Variants in BCL9L observed in about 807,000 individuals in gnomAD.
BCL9L encodes BCL9 like.
BCL9L carries 19 observed loss-of-function variants against 99.4 expected under a neutral mutation model. That is an observed-to-expected ratio of 0.19 (90% CI 0.13 to 0.28). The LOEUF is 0.28. Among genes scored for constraint, BCL9L ranks in the 10% least tolerant of loss-of-function variants. BCL9L has a pLI of 1.00. For missense variants in BCL9L, 2,023 were observed against 2,101.6 expected, an observed-to-expected ratio of 0.96 and a Z score of 0.73; for synonymous variants, 900 against 854.8, an observed-to-expected ratio of 1.05 and a Z score of -0.92.
At position 118,900,706 on chromosome 11, in the gene BCL9L, T is replaced by A; in HGVS notation, c.3037A>T (p.Thr1013Ser). Residue 1013 changes from threonine (T) to serine (S), a missense_variant, in exon 8 of 10, where the codon ACG becomes TCG. By Grantham distance (58) the Thr-to-Ser change is moderately conservative. This residue lies in a region of BCL9L where 902 missense variants were observed against 888.2 expected (regional missense o/e 1.02). Transcript: ENST00000683865. This position sits in a 1 kb window ranked among gnomAD's most constrained non-coding sequence, Gnocchi z 5.3. ...GAGACCCCCGGGCTGGGCATGGCCG[T>A]CTTAGGTGAGGCAACCCAGCCTGGA... ...PSPGWVASPK[T>S]AMPSPGVSQN... The A allele has an allele frequency of 6.2e-7, 1 of 1,613,720 alleles. No individual in the cohort carries two copies. The highest frequency in any genetic ancestry group is 1.1e-5 in the South Asian group (1 of 91,076).
Position 118,908,587 on chromosome 11 carries a change from G to A in BCL9L, c.95C>T (p.Pro32Leu). 6.2e-7 allele frequency: 1 copy of A among 1,613,650 alleles called. No individual in the cohort carries two copies. The highest frequency in any genetic ancestry group is 8.5e-7 in the Non-Finnish European group (1 of 1,179,930). The part of the protein sequence containing the change: ...PPLSPRGHCP[P>L]APAKPMHPEN... ...TGGGTGCATTGGCTTGGCTGGGGCA[G>A]GGGGGCAATGACCGCGGGGGGACAG... The change falls in exon 4 of 10, where the codon CCT becomes CTT. Residue 32 changes from proline to leucine, a missense_variant. By Grantham distance (98) the Pro-to-Leu change is moderately conservative. Around this residue, in one of 3 missense-constraint regions of BCL9L, gnomAD observed 1,116 missense variants for 1,194.6 expected, o/e 0.93. Coordinates refer to ENST00000683865, the MANE Select transcript of BCL9L (RefSeq NM_001378213.1).
chr11:118,898,125 G>A lies in BCL9L; in HGVS notation c.*290C>T, dbSNP rs1467198383. 1.5e-5 allele frequency: 8 copies of A among 548,928 alleles called. No homozygotes were observed. The highest frequency in any genetic ancestry group is 1.3e-4 in the Admixed American group (4 of 31,190). 34.0% of individuals were successfully genotyped at this position (548,928 alleles called of 1,614,324 possible). ...GGGTGTGGCGGGTGCAGGGATGCAC[G>A]GAAAGAGGTAAAATAGAGAGGCTCC... On this transcript the variant is annotated 3_prime_UTR_variant, in exon 10 of 10. Coordinates refer to ENST00000683865, the MANE Select transcript of BCL9L (RefSeq NM_001378213.1).
Position 118,900,502 on chromosome 11 carries a change from T to C in BCL9L, c.3124+117A>G. 1 of 1,456,480 alleles carries C rather than the reference T, an allele frequency of 6.9e-7. No homozygotes were observed. The highest frequency in any genetic ancestry group is 2.4e-5 in the East Asian group (1 of 41,610). The allele number at this position is 1,456,480 out of a possible 1,614,324, so 90.2% of individuals were successfully genotyped here. A position where few individuals can be genotyped will look rare whatever the true frequency, so the allele number is the denominator to read the frequency against. ...ATCATCTGCCCCATAAGCAGAGCCA[T>C]CCACCTCTGGGCCCGTGGTACACAG... On this transcript the variant is annotated intron_variant, in intron 8 of 9. Coordinates refer to ENST00000683865, the MANE Select transcript of BCL9L (RefSeq NM_001378213.1). This position sits in a 1 kb window ranked among gnomAD's most constrained non-coding sequence, Gnocchi z 5.3.
intron 5 of BCL9L, among the ~76,000 whole-genome samples, chr11:118,904,920 G>T (rs939215527): frequency 2.6e-5 from 4 of 152,230 alleles, no homozygotes; most frequent in Non-Finnish European, 5.9e-5. Context: ...ACCTCAATGT[G>T]TGAAGGCTGC....
chr11:118,898,830 A>G lies in BCL9L; in HGVS notation c.4085T>C (p.Leu1362Pro). 1 of 1,614,070 alleles carries G rather than the reference A, an allele frequency of 6.2e-7. No individual in the cohort carries two copies. Among genetic ancestry groups the G allele is most frequent in the Admixed American group, 1.7e-5 (1 of 60,024 alleles). The change falls in exon 10 of 10, where the codon CTG (leucine) becomes CCG (proline). Residue 1362 changes from leucine (L) to proline (P), a missense_variant. This residue lies in a region of BCL9L where 902 missense variants were observed against 888.2 expected (regional missense o/e 1.02). Transcript: ENST00000683865. Reference sequence around the variant, plus strand: ...AGTCTGCTCCGCCATCATGTTCTGCAGGTTCATGAGATGCAGATTAGGGGG... The same window carrying G: ...AGTCTGCTCCGCCATCATGTTCTGCGGGTTCATGAGATGCAGATTAGGGGG... ...AQPPNLHLMN[L>P]QNMMAEQTPS...
rs964113315 is a variant in BCL9L at position 118,922,627 on chromosome 11, C to T, written c.-131+2611G>A. Among the ~76,000 whole-genome samples the T allele has an allele frequency of 1.3e-5, 2 of 152,224 alleles. No individual in the cohort carries two copies. The highest frequency in any genetic ancestry group is 1.3e-4 in the Admixed American group (2 of 15,304). On this transcript the variant is annotated intron_variant, in intron 1 of 9. Coordinates refer to ENST00000683865, the MANE Select transcript of BCL9L (RefSeq NM_001378213.1). The surrounding 1 kb of genome is among the most constrained non-coding windows in gnomAD (Gnocchi z 6.2). ...GGCAGAGGCTCCCTGCCCGCGGCAC[C>T]CAGCCTGTACCCGCTTGGCTCCCAC...
At position 118,898,831 on chromosome 11, in the gene BCL9L, G is replaced by C; in HGVS notation, c.4084C>G (p.Leu1362Val). Reference sequence around the variant, plus strand: ...GTCTGCTCCGCCATCATGTTCTGCAGGTTCATGAGATGCAGATTAGGGGGC... The same window carrying C: ...GTCTGCTCCGCCATCATGTTCTGCACGTTCATGAGATGCAGATTAGGGGGC... Reference protein sequence around the residue: ...AQPPNLHLMNLQNMMAEQTPS... With the variant: ...AQPPNLHLMNVQNMMAEQTPS... The change falls in exon 10 of 10, where the codon CTG becomes GTG. Residue 1362 changes from leucine to valine, a missense_variant. By Grantham distance (32) the Leu-to-Val change is conservative (BLOSUM62 1). Coordinates refer to ENST00000683865, the MANE Select transcript of BCL9L (RefSeq NM_001378213.1). 1 of 1,614,110 alleles carries C rather than the reference G, an allele frequency of 6.2e-7. No homozygotes were observed. Among genetic ancestry groups the C allele is most frequent in the Non-Finnish European group, 8.5e-7 (1 of 1,180,016 alleles).
At position 118,899,516 on chromosome 11, in the gene BCL9L, G is replaced by A. The variant is rs1296021367; in HGVS notation, c.3407-8C>T. The A allele has an allele frequency of 6.2e-7, 1 of 1,607,048 alleles. No individual in the cohort carries two copies. Among genetic ancestry groups the A allele is most frequent in the Non-Finnish European group, 8.5e-7 (1 of 1,178,206 alleles). The stretch of plus-strand genomic sequence containing the variant: ...GCTGGCTGTTGCTGATCCCTGTAGG[G>A]AATAGAAGACAGGGGGTCAGGCACG... On this transcript the variant is annotated splice_region_variant and splice_polypyrimidine_tract_variant and intron_variant, in intron 9 of 9. Coordinates refer to ENST00000683865, the MANE Select transcript of BCL9L (RefSeq NM_001378213.1).
In BCL9L at chr11:118,898,139, TAG is replaced by T; in HGVS notation, c.*274_*275del. Reference sequence around the variant, plus strand: ...CAGGGATGCACGGAAAGAGGTAAAATAGAGAGGCTCCATAGGAATTGGGAGGA... The same window carrying T: ...CAGGGATGCACGGAAAGAGGTAAAATAGAGGCTCCATAGGAATTGGGAGGA... On this transcript the variant is annotated 3_prime_UTR_variant, in exon 10 of 10. Coordinates refer to ENST00000683865, the MANE Select transcript of BCL9L (RefSeq NM_001378213.1). The T allele has an allele frequency of 5.3e-6, 3 of 569,042 alleles. No homozygotes were observed. The highest frequency in any genetic ancestry group is 3.1e-6 in the Non-Finnish European group (1 of 319,264). 35.2% of individuals were successfully genotyped at this position (569,042 alleles called of 1,614,324 possible). A position where few individuals can be genotyped will look rare whatever the true frequency, so the allele number is the denominator to read the frequency against.
chr11:118,912,153 C>G (rs1217261525), intron 2 of BCL9L, among the ~76,000 whole-genome samples: 1 of 152,238 alleles, frequency 6.6e-6, no homozygotes, highest in Non-Finnish European at 1.5e-5. Context: ...CCTCCTCCTC[C>G]ACACACTCAC....
In BCL9L at chr11:118,902,313, T is replaced by C. The variant is rs765741785; in HGVS notation, c.1430A>G (p.Gln477Arg). Residue 477 changes from glutamine to arginine, a missense_variant, in exon 8 of 10, where the codon CAG becomes CGG. By Grantham distance (43) the Gln-to-Arg change is conservative (BLOSUM62 1). Around this residue, in one of 3 missense-constraint regions of BCL9L, gnomAD observed 1,116 missense variants for 1,194.6 expected, o/e 0.93. Transcript: ENST00000683865. This position sits in a 1 kb window ranked among gnomAD's most constrained non-coding sequence, Gnocchi z 7.8. ...CTCCAGCGGGGGGCCCCCTAGGCTC[T>C]GTGTCTGTGAAATCATGGACTGCAA... ...EPLQSMISQT[Q>R]SLGGPPLEHE... 6 of 1,559,604 alleles carry C rather than the reference T, an allele frequency of 3.8e-6. No individual in the cohort carries two copies. Among genetic ancestry groups the C allele is most frequent in the South Asian group, 1.2e-5 (1 of 82,160 alleles).
At chr11:118,915,943 C>CGCCCA (rs764737545) in intron 2 of BCL9L, among the ~76,000 whole-genome samples, 2 of 152,228 alleles carry the variant, frequency 1.3e-5, no homozygotes, top group Non-Finnish European at 2.9e-5. Flanking sequence ...AAATAACCTG[C>CGCCCA]GCCCAGCAGG....
Position 118,908,602 on chromosome 11 carries a change from C to CG in BCL9L, c.79dup (p.Arg27ProfsTer17), listed in dbSNP as rs759469914. On this transcript the variant is annotated frameshift_variant, in exon 4 of 10. Transcript: ENST00000683865. LOFTEE classifies it high-confidence loss of function. The stretch of plus-strand genomic sequence containing the variant: ...GGCTGGGGCAGGGGGGCAATGACCG[C>CG]GGGGGGACAGCGGCGGGCTCCCTGG... The CG allele has an allele frequency of 9.3e-6, 15 of 1,613,004 alleles. No homozygotes were observed. Among genetic ancestry groups the CG allele is most frequent in the Admixed American group, 1.7e-5 (1 of 59,970 alleles).
intron 1 of BCL9L, among the ~76,000 whole-genome samples, chr11:118,924,961 AGGCC>A (rs931467148): frequency 6.6e-6 from 1 of 152,172 alleles, no homozygotes; most frequent in Non-Finnish European, 1.5e-5. Context: ...AGCTGGCCCA[AGGCC>A]GGCCTTGTTC....
chr11:118,906,804 C>T (rs547870141), intron 5 of BCL9L, among the ~76,000 whole-genome samples: 5 of 152,216 alleles, frequency 3.3e-5, no homozygotes, highest in African/African-American at 1.2e-4. Flanking sequence ...TTACAGGTGA[C>T]AGCCACCACA....
rs1471664335 is a variant in BCL9L, at chr11:118,897,692, G to C, written c.*723C>G. The stretch of plus-strand genomic sequence containing the variant: ...AGTGGGTGGCCATGTAGGGCTGCAT[G>C]TCCCTGGGTCCAGGGGAATGGAGGG... On this transcript the variant is annotated 3_prime_UTR_variant, in exon 10 of 10. Transcript: ENST00000683865. 2.3e-6 allele frequency: 1 copy of C among 431,204 alleles called. No homozygotes were observed. The highest frequency in any genetic ancestry group is 2.1e-5 in the African/African-American group (1 of 48,258). The allele number at this position is 431,204 out of a possible 1,614,324, so 26.7% of individuals were successfully genotyped here.
chr11:118,903,141 C>A lies in BCL9L; in HGVS notation c.750-67G>T. On this transcript the variant is annotated intron_variant, in intron 6 of 9. Transcript: ENST00000683865. This position sits in a 1 kb window ranked among gnomAD's most constrained non-coding sequence, Gnocchi z 5.6. ...GGAGGGAGCCCCACCCTCACCCACC[C>A]CACCCTGCCCCTGCACGGGGCTCCC... 6.5e-7 allele frequency: 1 copy of A among 1,546,004 alleles called. No homozygotes were observed. Among genetic ancestry groups the A allele is most frequent in the East Asian group, 2.4e-5 (1 of 42,138 alleles).
At position 118,898,485 on chromosome 11, in the gene BCL9L, C is replaced by A. The variant is rs1172325855; in HGVS notation, c.4430G>T (p.Arg1477Leu). ...NLMVSHPLRQ[R>L]SVSLDSQMGY... ...CATCTGGCTGTCCAGGGACACACTG[C>A]GCTGCCGAAGGGGGTGGGACACCAT... Residue 1477 changes from arginine (R) to leucine (L), a missense_variant, in exon 10 of 10, where the codon CGC becomes CTC. Arg to Leu is a moderately radical substitution (Grantham distance 102). This residue lies in a region of BCL9L where 902 missense variants were observed against 888.2 expected (regional missense o/e 1.02). Coordinates refer to ENST00000683865, the MANE Select transcript of BCL9L (RefSeq NM_001378213.1). 6.2e-7 allele frequency: 1 copy of A among 1,603,830 alleles called. No homozygotes were observed. Among genetic ancestry groups the A allele is most frequent in the Middle Eastern group, 1.7e-4 (1 of 6,034 alleles).
chr11:118,915,317 G>A lies in BCL9L; in HGVS notation c.-77+3509C>T, dbSNP rs529275272. Among the ~76,000 whole-genome samples, 4 of 152,246 alleles carry A rather than the reference G, an allele frequency of 2.6e-5. No individual in the cohort carries two copies. In the South Asian group the frequency reaches 8.3e-4, roughly 32 times the overall value. On this transcript the variant is annotated intron_variant, in intron 2 of 9. Coordinates refer to ENST00000683865, the MANE Select transcript of BCL9L (RefSeq NM_001378213.1). ...GAATGCCTAAGACACACCAGCCCTT[G>A]ACAAACCACTTCTGGCCTCAATTTC...
Sources: allele counts gnomAD v4.1 joint callset (sites outside exome capture counted in the v4.1 genomes callset), GRCh38; gene constraint gnomAD v4.1.1; regional missense constraint gnomAD v4.1.1; non-coding constraint Gnocchi (gnomAD v3.1); transcripts MANE v1.5; gene names NCBI Gene and HGNC (gene_info 2026-07-23, HGNC 2026-07-21).